Variants in ARHGAP15 observed in about 807,000 individuals in gnomAD.
ARHGAP15 encodes rho GTPase-activating protein 15.
ARHGAP15 carries 51 observed loss-of-function variants against 63.7 expected under a neutral mutation model. That is an observed-to-expected ratio of 0.80 (90% confidence interval 0.64 to 1.01). The LOEUF (loss-of-function observed/expected upper bound fraction) is 1.01, where lower values mean the gene tolerates loss of function less well. ARHGAP15 is among the 50% of genes least tolerant of loss of function. The probability of loss-of-function intolerance (pLI) is 0.00; values close to 1 mark genes in which losing one functional copy is unlikely to be tolerated. For missense variants in ARHGAP15, 560 were observed against 564.6 expected (o/e 0.99, Z 0.08); for synonymous variants, 191 against 193.8 (o/e 0.99, Z 0.12).
rs764908730 is a variant in ARHGAP15 at position 143,250,623 on chromosome 2, A to G, written c.474+23A>G. 26 of 1,573,470 alleles carry G rather than the reference A, an allele frequency of 1.7e-5. 1 individual carries two copies. The South Asian group carries it at 2.2e-4, about 13-fold the overall frequency. On this transcript the variant is annotated intron_variant, in intron 6 of 13. Transcript: ENST00000295095. ...CAGGTAAGAATGTTACATATATTCA[A>G]TTTATTCCTATTCTCTCTAAATCTG...
At chr2:143,406,214 C>T (rs1469656690) in intron 6 of ARHGAP15, among the ~76,000 whole-genome samples, 1 of 151,934 alleles carries the variant, frequency 6.6e-6, no homozygotes, top group African/African-American at 2.4e-5. Context: ...ATTTTCACCA[C>T]ATGCCCATAT....
At chr2:143,345,105 C>T (rs1455288624) in intron 6 of ARHGAP15, among the ~76,000 whole-genome samples, 1 of 152,032 alleles carries the variant, frequency 6.6e-6, no homozygotes, top group African/African-American at 2.4e-5. Context: ...ATACTGTTAG[C>T]ATTTTAAAGT....
intron 10 of ARHGAP15, among the ~76,000 whole-genome samples, chr2:143,536,270 T>G (rs1348101707): frequency 2.0e-5 from 3 of 152,258 alleles, no homozygotes; most frequent in African/African-American, 7.2e-5. Flanking sequence ...TCAACCTTTT[T>G]GAATTCCACA....
chr2:143,297,816 T>A, intron 6 of ARHGAP15, among the ~76,000 whole-genome samples: 1 of 152,010 alleles, frequency 6.6e-6, no homozygotes, highest in Admixed American at 6.6e-5. Context: ...AGAGCCTGAA[T>A]ATTTCATGTA....
intron 6 of ARHGAP15, among the ~76,000 whole-genome samples, chr2:143,423,691 A>G (rs1267378638): frequency 6.6e-6 from 1 of 152,168 alleles, no homozygotes; most frequent in Non-Finnish European, 1.5e-5. Context: ...AAAGTCCAGG[A>G]GACAATCAAT....
chr2:143,403,201 T>A (rs181590279), intron 6 of ARHGAP15, among the ~76,000 whole-genome samples: 100 of 152,036 alleles, frequency 6.6e-4, no homozygotes, highest in African/African-American at 2.4e-3. Context: ...AATTATTTTT[T>A]ATTTTTTTTC....
At chr2:143,252,636 A>T (rs796224942) in intron 6 of ARHGAP15, among the ~76,000 whole-genome samples, 31 of 152,112 alleles carry the variant, frequency 2.0e-4, no homozygotes, top group African/African-American at 6.7e-4. Context: ...GTTCTGTTTC[A>T]TTCTTTTTGA....
chr2:143,679,449 G>GTGT (rs1405350873), intron 12 of ARHGAP15, among the ~76,000 whole-genome samples: 1 of 152,130 alleles, frequency 6.6e-6, no homozygotes, highest in Non-Finnish European at 1.5e-5. Flanking sequence ...GTTGATTTGT[G>GTGT]TGTTTTATAA....
chr2:143,487,262 TATTA>T, intron 8 of ARHGAP15, 107 bp from the exon 9 acceptor site: 2 of 1,259,330 alleles, frequency 1.6e-6, no homozygotes, highest in Non-Finnish European at 2.2e-6. Context: ...GAGCCTGAGC[TATTA>T]ATTCAGGTAG....
chr2:143,653,941 G>T (rs1256827431), intron 12 of ARHGAP15, among the ~76,000 whole-genome samples: 3 of 152,110 alleles, frequency 2.0e-5, no homozygotes, highest in Non-Finnish European at 2.9e-5. Flanking sequence ...TATCCTGAAG[G>T]CAATTAAAAT....
intron 6 of ARHGAP15, among the ~76,000 whole-genome samples, chr2:143,360,353 C>T (rs562148467): frequency 2.0e-5 from 3 of 151,980 alleles, no homozygotes; most frequent in South Asian, 2.1e-4. Context: ...CCACTGCAAT[C>T]GCGCCTGGGT....
intron 6 of ARHGAP15, among the ~76,000 whole-genome samples, chr2:143,318,509 CTTTTTT>C (rs535910161): frequency 0.093 from 5,146 of 55,186 alleles, 144 homozygotes; most frequent in African/African-American, 0.19. Context: ...GATTAAGGGC[CTTTTTT>C]TTTTTTTTTT....
chr2:143,723,134 T>C (rs1685135451), intron 13 of ARHGAP15, among the ~76,000 whole-genome samples: 1 of 152,210 alleles, frequency 6.6e-6, no homozygotes. Flanking sequence ...GCTGTGCAGG[T>C]TTATAGCCTA....
chr2:143,745,549 C>T (rs765258914), intron 13 of ARHGAP15, among the ~76,000 whole-genome samples: 8 of 152,180 alleles, frequency 5.3e-5, no homozygotes, highest in Non-Finnish European at 7.3e-5. Context: ...TTCTATTTCA[C>T]TCATCACTTT....
intron 5 of ARHGAP15, among the ~76,000 whole-genome samples, chr2:143,231,985 G>A (rs1184364440): frequency 6.6e-6 from 1 of 152,112 alleles, no homozygotes; most frequent in African/African-American, 2.4e-5. Context: ...GCATCACACT[G>A]GGGTTTAAGG....
intron 6 of ARHGAP15, among the ~76,000 whole-genome samples, chr2:143,319,500 G>T (rs1390990163): frequency 3.3e-5 from 5 of 152,100 alleles, no homozygotes; most frequent in African/African-American, 1.2e-4. Flanking sequence ...GGGATTACAG[G>T]CATGAGCCAC....
intron 5 of ARHGAP15, among the ~76,000 whole-genome samples, chr2:143,246,812 A>G (rs955708342): frequency 6.6e-6 from 1 of 152,114 alleles, no homozygotes; most frequent in South Asian, 2.1e-4. Context: ...GGATAAGAAA[A>G]TCTCCAGAAA....
At chr2:143,546,749 G>C (rs4341881) in intron 10 of ARHGAP15, among the ~76,000 whole-genome samples, 2 of 152,022 alleles carry the variant, frequency 1.3e-5, no homozygotes, top group East Asian at 3.9e-4. Context: ...TGATCACAGC[G>C]TAACAGTAGA....
chr2:143,429,238 CTTG>C (rs1689277158), intron 6 of ARHGAP15, among the ~76,000 whole-genome samples: 2 of 105,958 alleles, frequency 1.9e-5, no homozygotes, highest in Non-Finnish European at 3.9e-5. Context: ...TTTTTTTTTG[CTTG>C]TTTGAAATAA....
Sources: allele counts gnomAD v4.1 joint callset (sites outside exome capture counted in the v4.1 genomes callset), GRCh38; gene constraint gnomAD v4.1.1; transcripts MANE v1.5; gene names NCBI Gene and HGNC (gene_info 2026-07-23, HGNC 2026-07-21).